Variants in ANGPT1 observed in about 807,000 individuals in gnomAD.
ANGPT1 encodes angiopoietin 1, also known as angiopoietin-1.
Under a neutral mutation model 62.2 loss-of-function variants are expected in ANGPT1, and 17 were observed. The ratio of observed to expected loss-of-function variants is 0.27; its 90% CI spans 0.19 to 0.41. The LOEUF is 0.41. Ranked by LOEUF, ANGPT1 falls within the 10% of genes least tolerant of loss-of-function variation. The pLI, the probability that ANGPT1 is intolerant of heterozygous loss-of-function variation, is 1.00. For synonymous variants in ANGPT1, 199 were observed against 198.9 expected (o/e 1.00, Z 0.00); for missense variants, 478 against 594.9 (o/e 0.80, Z 2.04).
At chr8:107,413,236 C>T (rs967047795) in intron 1 of ANGPT1, among the ~76,000 whole-genome samples, 12 of 152,086 alleles carry the variant, frequency 7.9e-5, no homozygotes, top group African/African-American at 2.9e-4. Context: ...TGGCCAATCC[C>T]GGGTAATTAT....
intron 7 of ANGPT1, among the ~76,000 whole-genome samples, chr8:107,270,170 G>A (rs1813705629): frequency 1.3e-5 from 2 of 151,988 alleles, no homozygotes; most frequent in African/African-American, 4.8e-5. Context: ...CTACTTAAGA[G>A]ACTCACTCTC....
intron 1 of ANGPT1, among the ~76,000 whole-genome samples, chr8:107,363,707 G>A (rs1816214830): frequency 6.6e-6 from 1 of 152,130 alleles, no homozygotes; most frequent in Non-Finnish European, 1.5e-5. Context: ...TGGGAAGAAT[G>A]GGATTAAACT....
At chr8:107,475,647 C>T (rs759477437) in intron 1 of ANGPT1, among the ~76,000 whole-genome samples, 1 of 152,130 alleles carries the variant, frequency 6.6e-6, no homozygotes, top group Non-Finnish European at 1.5e-5. Context: ...AGTGAACAGG[C>T]AACCTACAGA....
intron 1 of ANGPT1, among the ~76,000 whole-genome samples, chr8:107,400,647 C>A (rs1209940053): frequency 6.6e-6 from 1 of 151,690 alleles, no homozygotes; most frequent in Non-Finnish European, 1.5e-5. Context: ...GCAGCCTCCA[C>A]CTCCCAGGTT....
At chr8:107,379,920 T>G (rs751187615) in intron 1 of ANGPT1, among the ~76,000 whole-genome samples, 17 of 152,148 alleles carry the variant, frequency 1.1e-4, no homozygotes, top group Non-Finnish European at 2.1e-4. Flanking sequence ...AAGAAACCAC[T>G]AACCAGATGT....
At chr8:107,324,069 G>A (rs1010217491) in intron 3 of ANGPT1, among the ~76,000 whole-genome samples, 1 of 151,472 alleles carries the variant, frequency 6.6e-6, no homozygotes, top group Non-Finnish European at 1.5e-5. Flanking sequence ...ATGAGCCACT[G>A]TGCCCGGCCA....
intron 1 of ANGPT1, among the ~76,000 whole-genome samples, chr8:107,458,139 T>C (rs1811973823): frequency 6.6e-6 from 1 of 152,128 alleles, no homozygotes; most frequent in Non-Finnish European, 1.5e-5. Context: ...ATAAACAAGA[T>C]TTGACTGATG....
At chr8:107,332,885 G>A (rs916294638) in intron 3 of ANGPT1, among the ~76,000 whole-genome samples, 1 of 152,238 alleles carries the variant, frequency 6.6e-6, no homozygotes, top group Non-Finnish European at 1.5e-5. Flanking sequence ...TGTAGAAATA[G>A]CTTCTTGTTG....
intron 1 of ANGPT1, among the ~76,000 whole-genome samples, chr8:107,481,575 C>G (rs180988879): frequency 7.3e-6 from 1 of 136,862 alleles, no homozygotes; most frequent in Non-Finnish European, 1.6e-5. Context: ...AAAAGAAAAT[C>G]TGTAAAAGGT....
intron 1 of ANGPT1, among the ~76,000 whole-genome samples, chr8:107,456,319 C>G (rs999969986): frequency 6.6e-6 from 1 of 151,990 alleles, no homozygotes; most frequent in Admixed American, 6.6e-5. Flanking sequence ...ATGCATATTT[C>G]TCTTTAAAAA....
chr8:107,253,195 CATT>C (rs759880207), intron 8 of ANGPT1, among the ~76,000 whole-genome samples: 4 of 152,140 alleles, frequency 2.6e-5, no homozygotes, highest in Non-Finnish European at 4.4e-5. Flanking sequence ...TTTGGAAAGA[CATT>C]ATATTCCGTG....
chr8:107,451,057 C>T (rs1395862412), intron 1 of ANGPT1, among the ~76,000 whole-genome samples: 1 of 151,724 alleles, frequency 6.6e-6, no homozygotes, highest in East Asian at 1.9e-4. Flanking sequence ...GACATAATCT[C>T]CCTCCCCACT....
rs564597000 is a variant in ANGPT1, at chr8:107,264,302, T to A, written c.1255A>T (p.Ile419Phe). The A allele has an allele frequency of 6.2e-7, 1 of 1,614,020 alleles. No homozygotes were observed. Among genetic ancestry groups the A allele is most frequent in the South Asian group, 1.1e-5 (1 of 91,062 alleles). Residue 419 changes from isoleucine (I) to phenylalanine (F), a missense_variant, in exon 8 of 9, where the codon ATC (isoleucine) becomes TTC (phenylalanine). This residue lies in a region of ANGPT1 where 19 missense variants were observed against 72.9 expected (regional missense o/e 0.26). Coordinates refer to ENST00000517746, the MANE Select transcript of ANGPT1 (RefSeq NM_001146.5). ...TGTAGKQSSL[I>F]LHGADFSTKD... Reference sequence around the variant, plus strand: ...GTGCTGAAATCAGCACCGTGTAAGATCAGGCTGCTCTGTTTTCCTGCTGTC... The same window carrying A: ...GTGCTGAAATCAGCACCGTGTAAGAACAGGCTGCTCTGTTTTCCTGCTGTC...
chr8:107,372,940 G>A (rs1359838609), intron 1 of ANGPT1, among the ~76,000 whole-genome samples: 6 of 151,686 alleles, frequency 4.0e-5, no homozygotes, highest in Non-Finnish European at 8.8e-5. Flanking sequence ...CTTTAACATG[G>A]GGCTAACAAC....
intron 1 of ANGPT1, among the ~76,000 whole-genome samples, chr8:107,393,065 G>A (rs1361524776): frequency 6.6e-6 from 1 of 152,134 alleles, no homozygotes. Flanking sequence ...TATGCATTCT[G>A]TAGAGTAAAA....
At chr8:107,394,436 A>G (rs1816895353) in intron 1 of ANGPT1, among the ~76,000 whole-genome samples, 1 of 152,216 alleles carries the variant, frequency 6.6e-6, no homozygotes. Context: ...CAGGAGGTTC[A>G]GCACAGTGAT....
chr8:107,276,573 A>G (rs1168456351), intron 7 of ANGPT1, among the ~76,000 whole-genome samples: 1 of 152,080 alleles, frequency 6.6e-6, no homozygotes, highest in Non-Finnish European at 1.5e-5. Context: ...TTCAATCCAC[A>G]TGAATTTGTT....
chr8:107,465,483 TTTGA>T (rs754650945), intron 1 of ANGPT1, among the ~76,000 whole-genome samples: 92 of 152,294 alleles, frequency 6.0e-4, no homozygotes, highest in African/African-American at 1.3e-3. Flanking sequence ...TTTCATGCAC[TTTGA>T]TTGATGCCGT....
chr8:107,413,291 C>G (rs1272988117), intron 1 of ANGPT1, among the ~76,000 whole-genome samples: 2 of 152,074 alleles, frequency 1.3e-5, no homozygotes, highest in Non-Finnish European at 2.9e-5. Flanking sequence ...TTCCTGGTCC[C>G]CTTGGAACAG....
Sources: gnomAD v4.1 joint callset for allele counts (sites outside exome capture counted in the v4.1 genomes callset) on GRCh38, gnomAD v4.1.1 for gene constraint, gnomAD v4.1.1 regional missense constraint, MANE v1.5 for transcripts, NCBI Gene and HGNC (gene_info 2026-07-23, HGNC 2026-07-21) for gene names.